Variants in EHBP1 observed in about 807,000 individuals in gnomAD.
EHBP1 encodes EH domain-binding protein 1.
In EHBP1, 55 loss-of-function variants were observed where a neutral mutation model predicts 144.0. The ratio of observed to expected loss-of-function variants is 0.38; its 90% CI spans 0.31 to 0.48. EHBP1 has a LOEUF of 0.48. Among genes scored for constraint, EHBP1 ranks in the 20% least tolerant of loss-of-function variants. The probability of loss-of-function intolerance (pLI) is 0.98; values close to 1 mark genes in which losing one functional copy is unlikely to be tolerated. For synonymous variants in EHBP1, 469 were observed against 472.7 expected (o/e 0.99, Z 0.10); for missense variants, 1,200 against 1,364.2 (o/e 0.88, Z 1.90).
intron 10 of EHBP1, among the ~76,000 whole-genome samples, chr2:62,923,295 G>T (rs2055229357): frequency 6.6e-6 from 1 of 152,170 alleles, no homozygotes; most frequent in Admixed American, 6.5e-5. Flanking sequence ...GAACAGCCTG[G>T]CAGTCTTGCC....
At chr2:62,747,220 A>G (rs1573095660) in intron 2 of EHBP1, among the ~76,000 whole-genome samples, 175 bp from the exon 3 acceptor site, 1 of 152,104 alleles carries the variant, frequency 6.6e-6, no homozygotes, top group Admixed American at 6.6e-5. Flanking sequence ...AATATTAGTT[A>G]TGCAAATTAG....
At chr2:62,688,136 G>A (rs1645064611) in intron 1 of EHBP1, among the ~76,000 whole-genome samples, 2 of 152,162 alleles carry the variant, frequency 1.3e-5, no homozygotes, top group South Asian at 2.1e-4. Flanking sequence ...TTTGGTTTGA[G>A]AGAGAATTAC....
chr2:62,945,683 G>A (rs1198648855), intron 12 of EHBP1, among the ~76,000 whole-genome samples: 3 of 152,136 alleles, frequency 2.0e-5, no homozygotes, highest in Non-Finnish European at 2.9e-5. Context: ...CTAGGAGCCC[G>A]AGGCTGCAGT....
chr2:62,734,932 A>G (rs2037974460), intron 2 of EHBP1, among the ~76,000 whole-genome samples: 1 of 151,832 alleles, frequency 6.6e-6, no homozygotes, highest in African/African-American at 2.4e-5. Context: ...TGGAGGTCTC[A>G]CTCTGTCACC....
chr2:62,959,632 T>C (rs1213522252), intron 14 of EHBP1, among the ~76,000 whole-genome samples: 1 of 152,178 alleles, frequency 6.6e-6, no homozygotes, highest in Non-Finnish European at 1.5e-5. Context: ...ACTAGTGACA[T>C]TGAACATCTT....
intron 16 of EHBP1, among the ~76,000 whole-genome samples, chr2:62,991,939 C>T (rs2059431020): frequency 6.6e-6 from 1 of 152,142 alleles, no homozygotes; most frequent in Non-Finnish European, 1.5e-5. Flanking sequence ...TATCTTTGAA[C>T]AAAAGGAAGC....
intron 19 of EHBP1, among the ~76,000 whole-genome samples, chr2:63,032,743 G>T (rs2061311527): frequency 6.6e-6 from 1 of 152,058 alleles, no homozygotes; most frequent in African/African-American, 2.4e-5. Flanking sequence ...GAAAGTCCAT[G>T]CACAGGGGTC....
chr2:62,854,104 G>A (rs1047863157), intron 7 of EHBP1, among the ~76,000 whole-genome samples: 1 of 152,266 alleles, frequency 6.6e-6, no homozygotes, highest in East Asian at 1.9e-4. Flanking sequence ...ATCAACACAA[G>A]TTGAAGCTAC....
At chr2:62,844,857 G>A (rs957490421) in intron 7 of EHBP1, among the ~76,000 whole-genome samples, 21 of 152,114 alleles carry the variant, frequency 1.4e-4, no homozygotes, top group African/African-American at 4.8e-4. Context: ...AGATTCATTC[G>A]CATGACCTAC....
At chr2:62,922,686 G>T (rs1461581843) in intron 10 of EHBP1, among the ~76,000 whole-genome samples, 1 of 152,198 alleles carries the variant, frequency 6.6e-6, no homozygotes, top group East Asian at 1.9e-4. Flanking sequence ...AGATTTGACA[G>T]GAGTGTCAAA....
intron 10 of EHBP1, among the ~76,000 whole-genome samples, chr2:62,889,483 T>C (rs1296371339): frequency 6.6e-6 from 1 of 152,180 alleles, no homozygotes; most frequent in African/African-American, 2.4e-5. Flanking sequence ...CATGCCTATT[T>C]CCTGAATGCT....
At chr2:62,857,180 A>AT (rs934164784) in intron 7 of EHBP1, among the ~76,000 whole-genome samples, 7 of 151,992 alleles carry the variant, frequency 4.6e-5, no homozygotes, top group South Asian at 2.1e-4. Flanking sequence ...TTGGATAATA[A>AT]TTTTTTTTGT....
chr2:63,025,922 T>C (rs929411413), intron 19 of EHBP1, among the ~76,000 whole-genome samples: 1 of 152,160 alleles, frequency 6.6e-6, no homozygotes, highest in African/African-American at 2.4e-5. Context: ...GAAAGGGGAA[T>C]GTCTAATGGA....
At chr2:62,909,798 C>T (rs2054070547) in intron 10 of EHBP1, among the ~76,000 whole-genome samples, 2 of 152,102 alleles carry the variant, frequency 1.3e-5, no homozygotes, top group Non-Finnish European at 2.9e-5. Flanking sequence ...TGCTCTGTCA[C>T]CCAGGCTGGA....
chr2:62,841,810 A>G (rs191155710), intron 7 of EHBP1, among the ~76,000 whole-genome samples: 244 of 151,454 alleles, frequency 1.6e-3, no homozygotes, highest in African/African-American at 5.7e-3. Flanking sequence ...GTATTTCCAG[A>G]AGAATAAGTG....
At chr2:62,878,581 A>G (rs1462500945) in intron 10 of EHBP1, among the ~76,000 whole-genome samples, 1 of 152,172 alleles carries the variant, frequency 6.6e-6, no homozygotes, top group Non-Finnish European at 1.5e-5. Flanking sequence ...AATACTAGAA[A>G]ACTAAACCCA....
At chr2:62,809,696 T>G (rs2044826145) in intron 5 of EHBP1, among the ~76,000 whole-genome samples, 3 of 152,186 alleles carry the variant, frequency 2.0e-5, no homozygotes, top group African/African-American at 7.2e-5. Flanking sequence ...TGTTCCCATC[T>G]TTATGTCCAT....
At chr2:63,014,524 TTATG>T (rs915461066) in intron 19 of EHBP1, among the ~76,000 whole-genome samples, 2 of 152,254 alleles carry the variant, frequency 1.3e-5, no homozygotes, top group Non-Finnish European at 2.9e-5. Flanking sequence ...GAGATTTTAA[TTATG>T]TATTTATAAG....
chr2:62,745,358 G>A (rs746271910), intron 2 of EHBP1, among the ~76,000 whole-genome samples: 1 of 144,300 alleles, frequency 6.9e-6, no homozygotes, highest in Non-Finnish European at 1.5e-5. Flanking sequence ...GAACACAGGT[G>A]TAATTAACTC....
Sources: gnomAD v4.1 joint callset for allele counts (sites outside exome capture counted in the v4.1 genomes callset) on GRCh38, gnomAD v4.1.1 for gene constraint, MANE v1.5 for transcripts, NCBI Gene and HGNC (gene_info 2026-07-23, HGNC 2026-07-21) for gene names.